Variants in CCDC178 observed in about 807,000 individuals in gnomAD.
CCDC178 encodes the protein coiled-coil domain containing 178.
In CCDC178, 126 loss-of-function variants were observed where a neutral mutation model predicts 117.4. The observed-to-expected ratio is 1.07, with a 90% CI of 0.93 to 1.24. The LOEUF (loss-of-function observed/expected upper bound fraction) is 1.24, where lower values mean the gene tolerates loss of function less well. Among genes scored for constraint, CCDC178 ranks in the 50% most tolerant of loss-of-function variants. The probability of loss-of-function intolerance (pLI) is 0.00; values close to 1 mark genes in which losing one functional copy is unlikely to be tolerated. For synonymous variants in CCDC178, 283 were observed against 313.4 expected (o/e 0.90, Z 1.02); for missense variants, 1,030 against 986.9 (o/e 1.04, Z -0.59).
chr18:32,949,692 G>A (rs1396219182), intron 22 of CCDC178, among the ~76,000 whole-genome samples: 3 of 151,998 alleles, frequency 2.0e-5, no homozygotes, highest in African/African-American at 7.2e-5. Flanking sequence ...TATCAGTTCT[G>A]TGTCAGTTTT....
chr18:33,275,668 G>A (rs1188858589), intron 12 of CCDC178, among the ~76,000 whole-genome samples: 6 of 104,232 alleles, frequency 5.8e-5, no homozygotes, highest in East Asian at 7.7e-4. Context: ...GGAGGGGGGA[G>A]GGGAGGGGAG....
At position 33,009,883 on chromosome 18, in the gene CCDC178, A is replaced by G. The variant is rs1051272836; in HGVS notation, c.2389-35202T>C. ...ATACAAAAAATGAGAATTGATGTAT[A>G]CTTTATCTCATGATCTTTTTTAGAA... On this transcript the variant is annotated intron_variant, in intron 21 of 22. Coordinates refer to ENST00000383096, the MANE Select transcript of CCDC178 (RefSeq NM_001105528.4). Among the ~76,000 whole-genome samples, 42 of 152,160 alleles carry G rather than the reference A, an allele frequency of 2.8e-4. 1 individual carries two copies. The highest frequency in any genetic ancestry group is 9.9e-4 in the African/African-American group (41 of 41,456).
chr18:33,071,394 T>C (rs1044271728), intron 21 of CCDC178, among the ~76,000 whole-genome samples: 4 of 152,126 alleles, frequency 2.6e-5, no homozygotes, highest in South Asian at 2.1e-4. Flanking sequence ...AAAATACGTA[T>C]GTATTTTTAA....
intron 6 of CCDC178, 131 bp from the exon 7 acceptor site, chr18:33,356,477 C>T: frequency 1.0e-6 from 1 of 976,818 alleles, no homozygotes; most frequent in Non-Finnish European, 1.4e-6. Flanking sequence ...TACTTATACT[C>T]TCGGTTGTAT....
intron 21 of CCDC178, among the ~76,000 whole-genome samples, chr18:33,044,299 T>C (rs558050314): frequency 2.0e-5 from 3 of 152,130 alleles, no homozygotes; most frequent in African/African-American, 7.2e-5. Flanking sequence ...AGAATCAGCA[T>C]CGTTAAAATG....
At chr18:33,427,274 A>G (rs2064136758) in intron 2 of CCDC178, among the ~76,000 whole-genome samples, 1 of 152,146 alleles carries the variant, frequency 6.6e-6, no homozygotes, top group African/African-American at 2.4e-5. Context: ...AAATGTAAAA[A>G]TCTTATTTTA....
At chr18:32,982,058 G>A (rs1337875473) in intron 21 of CCDC178, among the ~76,000 whole-genome samples, 2 of 152,086 alleles carry the variant, frequency 1.3e-5, no homozygotes, top group African/African-American at 4.8e-5. Context: ...ATAATGACTA[G>A]TATGTTTTTT....
At chr18:33,271,528 G>T (rs1338465713) in intron 12 of CCDC178, among the ~76,000 whole-genome samples, 5 of 151,312 alleles carry the variant, frequency 3.3e-5, no homozygotes, top group Admixed American at 3.3e-4. Flanking sequence ...AACAAACAAA[G>T]AATTACATTT....
At chr18:33,052,565 A>C (rs1241910101) in intron 21 of CCDC178, among the ~76,000 whole-genome samples, 1 of 152,218 alleles carries the variant, frequency 6.6e-6, no homozygotes, top group African/African-American at 2.4e-5. Context: ...ATAAAGAAGG[A>C]AAATTCTTGT....
chr18:33,155,665 A>C (rs1348011726), intron 20 of CCDC178, among the ~76,000 whole-genome samples: 1 of 152,198 alleles, frequency 6.6e-6, no homozygotes, highest in Non-Finnish European at 1.5e-5. Context: ...TTTTTTTGTC[A>C]AACACTTCTT....
intron 21 of CCDC178, among the ~76,000 whole-genome samples, chr18:33,005,343 G>A (rs1385186347): frequency 6.6e-6 from 1 of 152,032 alleles, no homozygotes; most frequent in Non-Finnish European, 1.5e-5. Context: ...ATCATGTTAA[G>A]TGAAATAAGC....
intron 20 of CCDC178, among the ~76,000 whole-genome samples, chr18:33,149,271 G>T (rs2058312585): frequency 6.6e-6 from 1 of 152,094 alleles, no homozygotes; most frequent in Admixed American, 6.5e-5. Flanking sequence ...GAAAGCAAAT[G>T]GTTAAATACT....
At chr18:33,107,265 C>G (rs2057719889) in intron 20 of CCDC178, among the ~76,000 whole-genome samples, 1 of 151,606 alleles carries the variant, frequency 6.6e-6, no homozygotes, top group Admixed American at 6.6e-5. Flanking sequence ...GAGAAACAAG[C>G]ATTTTAACAG....
chr18:33,367,312 C>T (rs1454475633), intron 6 of CCDC178, among the ~76,000 whole-genome samples: 3 of 152,034 alleles, frequency 2.0e-5, no homozygotes, highest in South Asian at 2.1e-4. Flanking sequence ...ATATTTCTTA[C>T]ACACATAACT....
rs1214024401 is a variant in CCDC178 at position 32,974,642 on chromosome 18, C to T, written c.2428G>A (p.Glu810Lys). 6.2e-7 allele frequency: 1 copy of T among 1,613,340 alleles called. No individual in the cohort carries two copies. Among genetic ancestry groups the T allele is most frequent in the African/African-American group, 1.3e-5 (1 of 74,886 alleles). Reference protein sequence around the residue: ...LQRRMHTLWQEHFKLVVLFSQ... With the variant: ...LQRRMHTLWQKHFKLVVLFSQ... ...AAGAGGACCACCAGTTTGAAGTGCT[C>T]CTGCCACAGTGTGTGCATCCTTCTC... is the stretch of plus-strand genomic sequence containing the variant. Residue 810 changes from glutamate to lysine, a missense_variant, in exon 22 of 23, where the codon GAG (glutamate) becomes AAG (lysine). By Grantham distance (56) the Glu-to-Lys change is moderately conservative. Transcript: ENST00000383096.
intron 12 of CCDC178, among the ~76,000 whole-genome samples, chr18:33,289,190 T>A (rs917560231): frequency 3.3e-5 from 5 of 152,182 alleles, no homozygotes; most frequent in African/African-American, 1.2e-4. Flanking sequence ...CTCATATGAA[T>A]TTAGGTTAAT....
chr18:33,195,469 A>G (rs1371544727), intron 20 of CCDC178, among the ~76,000 whole-genome samples: 1 of 152,150 alleles, frequency 6.6e-6, no homozygotes, highest in Non-Finnish European at 1.5e-5. Flanking sequence ...CATTTCAAAA[A>G]CAACCTACGA....
At chr18:32,993,611 C>A (rs1178413201) in intron 21 of CCDC178, among the ~76,000 whole-genome samples, 3 of 152,160 alleles carry the variant, frequency 2.0e-5, no homozygotes, top group Non-Finnish European at 4.4e-5. Flanking sequence ...TTGGGGCTCA[C>A]CTGCCCAGCA....
At position 33,346,356 on chromosome 18, in the gene CCDC178, A is replaced by G; in HGVS notation, c.513T>C (p.Ile171=). 6.2e-7 allele frequency: 1 copy of G among 1,613,830 alleles called. No individual in the cohort carries two copies. Among genetic ancestry groups the G allele is most frequent in the South Asian group, 1.1e-5 (1 of 91,070 alleles). ...QEMETLLSEA[I]RLIKSLETDR... is the part of the protein sequence containing the mutation. ...CAGTTTCTAGACTTTTAATGAGACG[A>G]ATGGCCTCTGAGAGCAATGTTTCCA... The change falls in exon 9 of 23, where the codon ATT becomes ATC. Residue 171 remains isoleucine, a synonymous_variant. Coordinates refer to ENST00000383096, the MANE Select transcript of CCDC178 (RefSeq NM_001105528.4).
Sources: gnomAD v4.1 joint callset for allele counts (sites outside exome capture counted in the v4.1 genomes callset) on GRCh38, gnomAD v4.1.1 for gene constraint, MANE v1.5 for transcripts, NCBI Gene and HGNC (gene_info 2026-07-23, HGNC 2026-07-21) for gene names.